The following FRMPD4 variants were observed in gnomAD, a reference collection of about 807,000 sequenced individuals.
FRMPD4 encodes the protein FERM and PDZ domain containing 4.
A neutral mutation model predicts 94.1 loss-of-function variants in FRMPD4; 22 were observed. The observed-to-expected ratio is 0.23, with a 90% CI of 0.17 to 0.33. FRMPD4 has a LOEUF of 0.33. FRMPD4 is among the 10% of genes least tolerant of loss of function. The probability of loss-of-function intolerance (pLI) is 1.00; values close to 1 mark genes in which losing one functional copy is unlikely to be tolerated. For synonymous variants in FRMPD4, 631 were observed against 548.6 expected, an observed-to-expected ratio of 1.15 and a Z score of -2.10; for missense variants, 1,111 against 1,339.9, an observed-to-expected ratio of 0.83 and a Z score of 2.67.
intron 3 of FRMPD4, among the ~76,000 whole-genome samples, chrX:12,054,530 C>T (rs1340231199): frequency 9.0e-6 from 1 of 111,312 alleles, no homozygotes. Flanking sequence ...TCTTCTCTTT[C>T]CATTTTCCTT....
chrX:12,469,259 T>G (rs1305629559), intron 1 of FRMPD4, among the ~76,000 whole-genome samples: 1 of 111,145 alleles, frequency 9.0e-6, no homozygotes, highest in Non-Finnish European at 1.9e-5. Flanking sequence ...TTTGTTTGTT[T>G]GTTTGTTTTT....
intron 3 of FRMPD4, among the ~76,000 whole-genome samples, chrX:12,029,803 T>C (rs2054681353): frequency 9.0e-6 from 1 of 111,730 alleles, no homozygotes; most frequent in Non-Finnish European, 1.9e-5. Flanking sequence ...AAAAATGCCT[T>C]CATCCCTGCC....
intron 3 of FRMPD4, among the ~76,000 whole-genome samples, chrX:11,897,171 GA>G (rs2053909124): frequency 3.0e-5 from 3 of 99,525 alleles, no homozygotes; most frequent in Non-Finnish European, 6.1e-5. Context: ...AAAAAAGAAA[GA>G]AAAAAAGCAT....
intron 4 of FRMPD4, among the ~76,000 whole-genome samples, chrX:12,656,861 G>A (rs1382365141): frequency 9.0e-6 from 1 of 111,311 alleles, no homozygotes; most frequent in East Asian, 2.8e-4. Context: ...GGCCGAGGCA[G>A]GCAGATCACC....
intron 3 of FRMPD4, among the ~76,000 whole-genome samples, chrX:11,974,163 C>T (rs2054355227): frequency 9.0e-6 from 1 of 111,347 alleles, no homozygotes; most frequent in African/African-American, 3.3e-5. Flanking sequence ...CTCCCAGCCT[C>T]ACGTTGAAAT....
chrX:11,929,710 T>C (rs377541247), intron 3 of FRMPD4, among the ~76,000 whole-genome samples: 2 of 111,759 alleles, frequency 1.8e-5, no homozygotes, highest in East Asian at 5.6e-4. Flanking sequence ...TAATTTTGCT[T>C]GTGAAGTATT....
chrX:12,338,084 G>A (rs2055555012), intron 1 of FRMPD4, among the ~76,000 whole-genome samples: 1 of 111,926 alleles, frequency 8.9e-6, no homozygotes, highest in Non-Finnish European at 1.9e-5. Flanking sequence ...GAGTATGAAG[G>A]GGAGCTTCCT....
intron 1 of FRMPD4, among the ~76,000 whole-genome samples, chrX:11,823,242 G>A (rs1304082007): frequency 9.1e-6 from 1 of 109,566 alleles, no homozygotes; most frequent in Non-Finnish European, 1.9e-5. Flanking sequence ...TTTGTCACAG[G>A]AACTCTCAAA....
chrX:12,104,582 C>T (rs979786956), intron 3 of FRMPD4, among the ~76,000 whole-genome samples: 3 of 112,417 alleles, frequency 2.7e-5, no homozygotes, highest in African/African-American at 6.5e-5. Context: ...TATATATGCA[C>T]ACATAAAAAT....
intron 3 of FRMPD4, among the ~76,000 whole-genome samples, chrX:12,082,218 C>CA (rs1401131088): frequency 9.0e-6 from 1 of 111,502 alleles, no homozygotes; most frequent in Non-Finnish European, 1.9e-5. Context: ...TTGTATCTCC[C>CA]AGAATTTCCA....
chrX:12,400,397 C>T (rs756370187), intron 1 of FRMPD4, among the ~76,000 whole-genome samples: 5 of 111,931 alleles, frequency 4.5e-5, no homozygotes, highest in Middle Eastern at 4.6e-3. Flanking sequence ...CCTACAATTA[C>T]GGGAGGAGTA....
At chrX:12,306,849 G>A (rs1354274299) in intron 1 of FRMPD4, among the ~76,000 whole-genome samples, 1 of 112,383 alleles carries the variant, frequency 8.9e-6, no homozygotes, top group African/African-American at 3.2e-5. Context: ...TTCAAAGATG[G>A]GAGATATGAT....
intron 2 of FRMPD4, among the ~76,000 whole-genome samples, chrX:12,506,964 T>TA (rs1255555762): frequency 8.9e-6 from 1 of 112,241 alleles, no homozygotes; most frequent in East Asian, 2.8e-4. Context: ...GGTTGGCTAA[T>TA]ACAGGGAAGT....
chrX:12,714,054 C>T (rs778581841), intron 14 of FRMPD4, among the ~76,000 whole-genome samples: 66 of 111,992 alleles, frequency 5.9e-4, no homozygotes, highest in Non-Finnish European at 9.4e-4. Context: ...TCTTGTTCAT[C>T]TAAATCAGAG....
rs181535484 is a variant in FRMPD4 at position 12,345,098 on chromosome X, A to T, written c.42-153582A>T. On this transcript the variant is annotated intron_variant, in intron 1 of 16. Coordinates refer to ENST00000675598, the MANE Select transcript of FRMPD4 (RefSeq NM_001368397.1). ...GATTGATGGATGAATGAATGAATGG[A>T]TGGATGGATGGATGAACAGACAGAC... Among the ~76,000 whole-genome samples, 476 of 99,735 alleles carry T rather than the reference A, an allele frequency of 4.8e-3. 3 individuals are homozygous for T. Among genetic ancestry groups the T allele is most frequent in the African/African-American group, 0.018 (455 of 25,846 alleles). The allele number at this position is 99,735 out of a possible 115,157, so 86.6% of individuals were successfully genotyped here.
intron 3 of FRMPD4, among the ~76,000 whole-genome samples, chrX:12,047,341 A>G (rs1199899904): frequency 1.8e-5 from 2 of 111,289 alleles, no homozygotes; most frequent in Non-Finnish European, 3.8e-5. Context: ...TTGTAATTAA[A>G]CAATGATAAA....
chrX:12,718,231 T>G lies in FRMPD4; in HGVS notation c.3405T>G (p.Asp1135Glu), dbSNP rs1295895311. 2 of 1,211,393 alleles carry G rather than the reference T, an allele frequency of 1.7e-6. No individual in the cohort carries two copies. The highest frequency in any genetic ancestry group is 5.9e-5 in the East Asian group (2 of 33,835). Reference sequence around the variant, plus strand: ...AAGGGAAGGAAGAAGGAGCTCCTGATGGAGAAACCAGTGATGGCTCAGGAC... The same window carrying G: ...AAGGGAAGGAAGAAGGAGCTCCTGAGGGAGAAACCAGTGATGGCTCAGGAC... ...EAEGKEEGAPDGETSDGSGLG... is the reference protein window; with the variant it reads ...EAEGKEEGAPEGETSDGSGLG... Residue 1135 changes from aspartate to glutamate, a missense_variant, in exon 16 of 17, where the codon GAT (aspartate) becomes GAG (glutamate). Asp to Glu is a conservative substitution (Grantham distance 45). Around this residue, in one of 8 missense-constraint regions of FRMPD4, gnomAD observed 551 missense variants for 591.6 expected, o/e 0.93. Coordinates refer to ENST00000675598, the MANE Select transcript of FRMPD4 (RefSeq NM_001368397.1).
chrX:12,244,769 G>A (rs998344286), intron 1 of FRMPD4, among the ~76,000 whole-genome samples: 1 of 112,336 alleles, frequency 8.9e-6, no homozygotes, highest in Non-Finnish European at 1.9e-5. Context: ...TGTTCCAGTG[G>A]GTCTGTTTGC....
chrX:12,194,838 T>C (rs1300858537), intron 1 of FRMPD4, among the ~76,000 whole-genome samples: 3 of 111,943 alleles, frequency 2.7e-5, no homozygotes, highest in Admixed American at 9.5e-5. Context: ...TTGAAAACAA[T>C]GCCAACATGA....
Sources: gnomAD v4.1 joint callset for allele counts (sites outside exome capture counted in the v4.1 genomes callset) on GRCh38, gnomAD v4.1.1 for gene constraint, gnomAD v4.1.1 regional missense constraint, MANE v1.5 for transcripts, NCBI Gene and HGNC (gene_info 2026-07-23, HGNC 2026-07-21) for gene names.